The following MTMR4 variants were observed in gnomAD, a reference collection of about 807,000 sequenced individuals.
MTMR4 encodes phosphatidylinositol-3,5-bisphosphate 3-phosphatase MTMR4.
MTMR4 carries 30 observed loss-of-function variants against 125.5 expected under a neutral mutation model. The observed-to-expected ratio is 0.24, with a 90% CI of 0.18 to 0.32. The LOEUF is 0.32. Ranked by LOEUF, MTMR4 falls within the 10% of genes least tolerant of loss-of-function variation. MTMR4 has a pLI of 1.00. For synonymous variants in MTMR4, 498 were observed against 564.5 expected (o/e 0.88, Z 1.67); for missense variants, 1,039 against 1,511.5 (o/e 0.69, Z 5.18).
At chr17:58,502,444 C>T (rs961453399) in intron 14 of MTMR4, among the ~76,000 whole-genome samples, 5 of 151,410 alleles carry the variant, frequency 3.3e-5, no homozygotes, top group African/African-American at 1.2e-4. Context: ...AGGCATGAGC[C>T]ACCGTGCCCA....
chr17:58,507,017 C>T, intron 8 of MTMR4, 106 bp downstream of exon 8: 2 of 1,560,556 alleles, frequency 1.3e-6, no homozygotes, highest in Middle Eastern at 1.9e-4. Flanking sequence ...ACCCCAGCAC[C>T]CCGTGTGTTG....
At chr17:58,496,495 G>A (rs1975471021) in intron 14 of MTMR4, among the ~76,000 whole-genome samples, 165 bp from the exon 15 acceptor site, 2 of 152,158 alleles carry the variant, frequency 1.3e-5, no homozygotes, top group African/African-American at 4.8e-5. Flanking sequence ...AATAACCAAT[G>A]TTCACTGAAA....
chr17:58,511,856 C>G (rs1975939905), intron 3 of MTMR4, among the ~76,000 whole-genome samples: 1 of 152,022 alleles, frequency 6.6e-6, no homozygotes, highest in Admixed American at 6.5e-5. Context: ...TGCCACTGTG[C>G]TCCTTAGAAG....
At position 58,495,533 on chromosome 17, in the gene MTMR4, C is replaced by G. The variant is rs1384655870; in HGVS notation, c.2651G>C (p.Arg884Thr). The G allele has an allele frequency of 1.9e-6, 3 of 1,614,086 alleles. No individual in the cohort carries two copies. The highest frequency in any genetic ancestry group is 2.5e-6 in the Non-Finnish European group (3 of 1,180,058). Residue 884 changes from arginine (R) to threonine (T), a missense_variant, in exon 15 of 18, where the codon AGG becomes ACG. Arg to Thr is a moderately conservative substitution (Grantham distance 71). Coordinates refer to ENST00000682306, the MANE Select transcript of MTMR4 (RefSeq NM_001378067.1). Reference protein sequence around the residue: ...EEDIGKRGNNRNGQLLENPRF... With the variant: ...EEDIGKRGNNTNGQLLENPRF... ...AGGATTTTCCAATAACTGCCCATTC[C>G]TATTATTTCCTCTTTTACCAATGTC...
intron 10 of MTMR4, 35 bp from the exon 11 acceptor site, chr17:58,505,009 G>C (rs1183961064): frequency 6.4e-7 from 1 of 1,560,490 alleles, no homozygotes; most frequent in Non-Finnish European, 8.7e-7. Flanking sequence ...GGTCACAAAG[G>C]GTGCTGAGGC....
intron 8 of MTMR4, 110 bp downstream of exon 8, chr17:58,507,013 G>GC: frequency 6.4e-7 from 1 of 1,555,980 alleles, no homozygotes; most frequent in Admixed American, 1.7e-5. Context: ...AGGGACCCCA[G>GC]CACCCCGTGT....
rs368745705 is a variant in MTMR4 at position 58,508,506 on chromosome 17, C to T, written c.555G>A (p.Gln185=). ...AELARMGFDL[Q]NVWRVSHINS... is the part of the protein sequence containing the mutation. ...TGATGTGTGAGACTCTCCAGACGTT[C>T]TGCAGGTCAAAGCCCATCCTTGCAA... Residue 185 remains glutamine (Q), a synonymous_variant, in exon 6 of 18, where the codon CAG becomes CAA. Transcript: ENST00000682306. The surrounding 1 kb of genome is among the most constrained non-coding windows in gnomAD (Gnocchi z 4.8). 1 of 1,614,252 alleles carries T rather than the reference C, an allele frequency of 6.2e-7. No homozygotes were observed. The highest frequency in any genetic ancestry group is 1.1e-5 in the South Asian group (1 of 91,084).
At chr17:58,515,177 GTAAGAAAGCCC>G, upstream of MTMR4, 1 of 439,614 alleles carries the variant, frequency 2.3e-6, no homozygotes, top group Non-Finnish European at 3.0e-6. Flanking sequence ...TGATCTCTGG[GTAAGAAAGCCC>G]TTCTTGGAGG....
At chr17:58,514,868 CT>C, upstream of MTMR4, 1 of 492,700 alleles carries the variant, frequency 2.0e-6, no homozygotes, top group Non-Finnish European at 2.6e-6. Context: ...CCCATGCCCT[CT>C]TACAAACCCA....
At position 58,504,617 on chromosome 17, in the gene MTMR4, T is replaced by G. The variant is rs1975728039; in HGVS notation, c.1342-129A>C. ...AATAGGACTGGACCTAGAAGAGGAC[T>G]CAAAGCCACCAATTTTCCAAGCCTT... On this transcript the variant is annotated intron_variant, in intron 11 of 17. Coordinates refer to ENST00000682306, the MANE Select transcript of MTMR4 (RefSeq NM_001378067.1). The surrounding 1 kb of genome is among the most constrained non-coding windows in gnomAD (Gnocchi z 7.1). The G allele has an allele frequency of 1.5e-6, 2 of 1,352,112 alleles. No individual in the cohort carries two copies. Among genetic ancestry groups the G allele is most frequent in the East Asian group, 4.6e-5 (2 of 43,052 alleles). 83.8% of individuals were successfully genotyped at this position (1,352,112 alleles called of 1,614,324 possible).
intron 14 of MTMR4, among the ~76,000 whole-genome samples, chr17:58,497,188 T>C (rs2143856714): frequency 6.6e-6 from 1 of 152,346 alleles, no homozygotes; most frequent in South Asian, 2.1e-4. Context: ...TGGCCTCCTA[T>C]TTTTAGATGG....
intron 14 of MTMR4, 65 bp downstream of exon 14, chr17:58,503,679 T>G: frequency 7.4e-4 from 1,091 of 1,482,640 alleles, no homozygotes; most frequent in Non-Finnish European, 9.0e-4. Flanking sequence ...AACATTTAGA[T>G]GAGATGGGAA....
At chr17:58,494,729 C>G (rs962077499) in intron 15 of MTMR4, among the ~76,000 whole-genome samples, 3 of 152,186 alleles carry the variant, frequency 2.0e-5, no homozygotes, top group Non-Finnish European at 4.4e-5. Context: ...ACGTTTCACT[C>G]CACTCCAGCC....
chr17:58,518,108 C>A (rs929207020), upstream of MTMR4, among the ~76,000 whole-genome samples: 3 of 152,186 alleles, frequency 2.0e-5, no homozygotes, highest in African/African-American at 7.2e-5. Context: ...GAAGGAGGCG[C>A]GGCGCCGGAG....
At position 58,508,878 on chromosome 17, in the gene MTMR4, A is replaced by C; in HGVS notation, c.336-37T>G. ...GAAGCCACAGGCCTAGGTGAGGCAA[A>C]GTGCAGTTGTGCCATGGGGCTATCA... is the stretch of plus-strand genomic sequence containing the variant. On this transcript the variant is annotated intron_variant, in intron 4 of 17. Coordinates refer to ENST00000682306, the MANE Select transcript of MTMR4 (RefSeq NM_001378067.1). This position sits in a 1 kb window ranked among gnomAD's most constrained non-coding sequence, Gnocchi z 4.8. 1 of 1,598,950 alleles carries C rather than the reference A, an allele frequency of 6.3e-7. No individual in the cohort carries two copies. Among genetic ancestry groups the C allele is most frequent in the Non-Finnish European group, 8.6e-7 (1 of 1,168,308 alleles).
chr17:58,499,014 C>G (rs995549273), intron 14 of MTMR4, among the ~76,000 whole-genome samples: 1 of 152,184 alleles, frequency 6.6e-6, no homozygotes, highest in Admixed American at 6.5e-5. Context: ...TGGCTGGTCT[C>G]TGTGCCTCCA....
chr17:58,497,806 G>A (rs570119957), intron 14 of MTMR4, among the ~76,000 whole-genome samples: 1 of 152,128 alleles, frequency 6.6e-6, no homozygotes, highest in Admixed American at 6.6e-5. Flanking sequence ...CAGACAACCA[G>A]GGTCCACCCA....
intron 9 of MTMR4, among the ~76,000 whole-genome samples, chr17:58,506,053 C>G (rs1975772110): frequency 6.6e-6 from 1 of 152,212 alleles, no homozygotes; most frequent in Non-Finnish European, 1.5e-5. Context: ...ACACTTGTAT[C>G]TCTGGAGACT....
chr17:58,516,058 C>A (rs1476854679), upstream of MTMR4, among the ~76,000 whole-genome samples: 2 of 152,198 alleles, frequency 1.3e-5, no homozygotes, highest in African/African-American at 2.4e-5. Context: ...ATTCTGGGCA[C>A]CCTGAAGATG....
Sources: gnomAD v4.1 joint callset for allele counts (sites outside exome capture counted in the v4.1 genomes callset) on GRCh38, gnomAD v4.1.1 for gene constraint, Gnocchi (gnomAD v3.1) non-coding constraint, MANE v1.5 for transcripts, NCBI Gene and HGNC (gene_info 2026-07-23, HGNC 2026-07-21) for gene names.